The following AMD1 variants were observed in gnomAD, a reference collection of about 807,000 sequenced individuals.
The protein encoded by AMD1 is adenosylmethionine decarboxylase 1, also known as S-adenosylmethionine decarboxylase proenzyme.
AMD1 carries 11 observed loss-of-function variants against 40.2 expected under a neutral mutation model. The observed-to-expected ratio is 0.27, with a 90% confidence interval of 0.17 to 0.45. The LOEUF is 0.45. Ranked by LOEUF, AMD1 falls within the 20% of genes least tolerant of loss-of-function variation. AMD1 has a pLI of 1.00. For synonymous variants in AMD1, 121 were observed against 130.8 expected (o/e 0.93, Z 0.51); for missense variants, 257 against 410.2 (o/e 0.63, Z 3.23).
the AMD1 span, among the ~76,000 whole-genome samples, chr6:110,831,259 G>T: frequency 6.6e-6 from 1 of 151,848 alleles, no homozygotes; most frequent in East Asian, 1.9e-4. Flanking sequence ...CCAACATAGT[G>T]AAACCCCATC....
the AMD1 span, among the ~76,000 whole-genome samples, chr6:110,865,916 C>T: frequency 2.1e-4 from 32 of 151,878 alleles, no homozygotes; most frequent in Admixed American, 1.6e-3. Flanking sequence ...GTTCCTGCCA[C>T]CATGCCCAGC....
the AMD1 span, among the ~76,000 whole-genome samples, chr6:110,832,238 C>T: frequency 9.9e-5 from 15 of 151,610 alleles, no homozygotes; most frequent in Non-Finnish European, 1.6e-4. Flanking sequence ...AACTCCTGAC[C>T]GCATGATCCA....
the AMD1 span, among the ~76,000 whole-genome samples, chr6:110,823,306 G>A: frequency 5.3e-5 from 8 of 152,262 alleles, no homozygotes; most frequent in African/African-American, 1.9e-4. Flanking sequence ...TTTCCCCTGA[G>A]AGCTGGAACA....
chr6:110,857,622 TG>T, the AMD1 span, among the ~76,000 whole-genome samples: 1 of 137,170 alleles, frequency 7.3e-6, no homozygotes, highest in Non-Finnish European at 1.6e-5. Flanking sequence ...TATATATAGG[TG>T]GTATATATAT....
chr6:110,867,312 C>T, the AMD1 span, among the ~76,000 whole-genome samples: 1 of 151,920 alleles, frequency 6.6e-6, no homozygotes, highest in Non-Finnish European at 1.5e-5. Context: ...CTGTGCTAGC[C>T]CAATTAGTTT....
At chr6:110,887,461 G>A (rs1785761178) in intron 1 of AMD1, 44 bp from the exon 2 acceptor site, 1 of 1,373,238 alleles carries the variant, frequency 7.3e-7, no homozygotes, top group African/African-American at 1.5e-5. Flanking sequence ...ATGAGTAGGT[G>A]GGTACTATTG....
chr6:110,864,019 G>A, the AMD1 span: 4 of 375,790 alleles, frequency 1.1e-5, no homozygotes, highest in African/African-American at 8.6e-5. Flanking sequence ...GAGTGCAATG[G>A]TGTGATCTCT....
chr6:110,837,007 A>C, the AMD1 span, among the ~76,000 whole-genome samples: 1 of 151,906 alleles, frequency 6.6e-6, no homozygotes, highest in Non-Finnish European at 1.5e-5. Flanking sequence ...TTTCTAAAAA[A>C]TTAGCCAGGT....
the AMD1 span, among the ~76,000 whole-genome samples, chr6:110,837,685 G>A: frequency 1.3e-4 from 15 of 116,040 alleles, no homozygotes; most frequent in Admixed American, 5.6e-4. Flanking sequence ...CACTCCAGCC[G>A]TGGTGACAAG....
chr6:110,894,284 C>T lies in AMD1; in HGVS notation c.*668C>T, dbSNP rs1334835191. 1 of 152,680 alleles carries T rather than the reference C, an allele frequency of 6.5e-6. No homozygotes were observed. The highest frequency in any genetic ancestry group is 2.4e-5 in the African/African-American group (1 of 41,446). The allele number at this position is 152,680 out of a possible 1,614,324, so 9.5% of individuals were successfully genotyped here. On this transcript the variant is annotated 3_prime_UTR_variant, in exon 9 of 9. Transcript: ENST00000368885. ...TTCTTCCCTCTCCCTGGTGTCTCCC[C>T]CAAGACCCCAAATAAAGCAATACAC...
the AMD1 span, among the ~76,000 whole-genome samples, chr6:110,828,440 A>AAAAG: frequency 1.3e-3 from 191 of 152,206 alleles, 1 homozygote; most frequent in Middle Eastern, 0.01. Flanking sequence ...TCTCAAAAAA[A>AAAAG]AAAGAAAGAA....
upstream of AMD1, among the ~76,000 whole-genome samples, chr6:110,872,006 T>C (rs979870752): frequency 6.6e-6 from 1 of 152,174 alleles, no homozygotes; most frequent in Non-Finnish European, 1.5e-5. Flanking sequence ...CCTGGAGACT[T>C]TTTTCTAGAA....
the AMD1 span, chr6:110,816,055 T>G: frequency 2.6e-5 from 4 of 152,232 alleles, no homozygotes; most frequent in African/African-American, 2.4e-5. Context: ...ATCTTTTTTC[T>G]TTACGATGCA....
chr6:110,859,225 T>TC, the AMD1 span: 2 of 618,646 alleles, frequency 3.2e-6, no homozygotes, highest in South Asian at 2.1e-5. Flanking sequence ...TCTTTTTTTT[T>TC]CTTAACCTGT....
chr6:110,874,992 C>A lies in AMD1; in HGVS notation c.-114C>A. On this transcript the variant is annotated 5_prime_UTR_variant, in exon 1 of 9. In the 5' UTR this introduces an upstream ATG that the reference lacks. Coordinates refer to ENST00000368885, the MANE Select transcript of AMD1 (RefSeq NM_001634.6). ...AATTATAGCAAAAAAAAAAAGGAAC[C>A]TGAACTTTAGTAACACAGCTGGAAC... 5.6e-6 allele frequency: 4 copies of A among 712,296 alleles called. No homozygotes were observed. The highest frequency in any genetic ancestry group is 3.0e-5 in the Admixed American group (1 of 33,168). 44.1% of individuals were successfully genotyped at this position (712,296 alleles called of 1,614,324 possible). A position where few individuals can be genotyped will look rare whatever the true frequency, so the allele number is the denominator to read the frequency against.
the AMD1 span, among the ~76,000 whole-genome samples, chr6:110,834,618 T>C: frequency 2.7e-5 from 4 of 150,678 alleles, no homozygotes; most frequent in African/African-American, 7.3e-5. Context: ...AGCTCAGGAG[T>C]TCAAGATCAG....
chr6:110,857,774 A>G, the AMD1 span, among the ~76,000 whole-genome samples: 6 of 147,656 alleles, frequency 4.1e-5, no homozygotes, highest in East Asian at 2.0e-4. Context: ...TGGTGTGTAT[A>G]TATATATATA....
Position 110,887,607 on chromosome 6 carries a change from CAAGTGTTA to C in AMD1, c.197+17_197+24del, listed in dbSNP as rs1785767371. On this transcript the variant is annotated intron_variant, in intron 2 of 8. Coordinates refer to ENST00000368885, the MANE Select transcript of AMD1 (RefSeq NM_001634.6). ...ATGTACTCAGGTAAGTCCTGTAAAA[CAAGTGTTA>C]GGTAGCTAATTTCAGTCCTAATCAT... The C allele has an allele frequency of 6.4e-7, 1 of 1,568,786 alleles. No homozygotes were observed. The highest frequency in any genetic ancestry group is 8.7e-7 in the Non-Finnish European group (1 of 1,154,146).
the AMD1 span, among the ~76,000 whole-genome samples, chr6:110,863,243 C>T: frequency 6.6e-6 from 1 of 151,810 alleles, no homozygotes. Context: ...CCACGCCTGG[C>T]CCCCAAGTTC....
Sources: allele counts gnomAD v4.1 joint callset (sites outside exome capture counted in the v4.1 genomes callset), GRCh38; gene constraint gnomAD v4.1.1; transcripts MANE v1.5; gene names NCBI Gene and HGNC (gene_info 2026-07-23, HGNC 2026-07-21).